RAD51B: variants seen among roughly 807,000 people sequenced by gnomAD.
The protein encoded by RAD51B is DNA repair protein RAD51 homolog 2.
In RAD51B, 38 loss-of-function variants were observed where a neutral mutation model predicts 42.2. The observed-to-expected ratio is 0.90, with a 90% CI of 0.70 to 1.18. RAD51B has a LOEUF of 1.18. Among genes scored for constraint, RAD51B ranks in the 50% most tolerant of loss-of-function variants. RAD51B has a pLI of 0.00. For missense variants in RAD51B, 373 were observed against 400.7 expected (o/e 0.93, Z 0.59); for synonymous variants, 154 against 145.2 (o/e 1.06, Z -0.43).
intron 8 of RAD51B, among the ~76,000 whole-genome samples, chr14:68,309,678 A>G (rs1164595630): frequency 6.6e-6 from 1 of 152,244 alleles, no homozygotes; most frequent in East Asian, 1.9e-4. Flanking sequence ...AATGATAATA[A>G]TGCCAATCAC....
At chr14:68,032,071 A>G (rs2076055080) in intron 7 of RAD51B, among the ~76,000 whole-genome samples, 1 of 152,078 alleles carries the variant, frequency 6.6e-6, no homozygotes, top group Non-Finnish European at 1.5e-5. Flanking sequence ...GTCTGTTACT[A>G]TGAAATCTTG....
chr14:68,411,274 C>T (rs1009363291), intron 8 of RAD51B, 150 bp from the exon 9 acceptor site: 30 of 677,814 alleles, frequency 4.4e-5, no homozygotes, highest in Non-Finnish European at 6.8e-5. Context: ...TAACCCCTCT[C>T]CTACTTCACT....
rs977907433 is a variant in RAD51B, at chr14:68,143,510, G to A, written c.757-148374G>A. On this transcript the variant is annotated intron_variant, in intron 7 of 10. Coordinates refer to ENST00000471583, the MANE Select transcript of RAD51B (RefSeq NM_133510.4). ...AGCTGAAAGCTTCATTTCCTGGCCCGGCTGCCATGAGAAATGCTGTGCTTG... is the reference window on the plus strand; with the variant it reads ...AGCTGAAAGCTTCATTTCCTGGCCCAGCTGCCATGAGAAATGCTGTGCTTG... 6.6e-5 allele frequency among the ~76,000 whole-genome samples: 10 copies of A among 152,224 alleles called. No homozygotes were observed. In the East Asian group the frequency reaches 9.6e-4, roughly 15 times the overall value.
chr14:68,348,910 G>A (rs975161778), intron 8 of RAD51B, among the ~76,000 whole-genome samples: 11 of 152,140 alleles, frequency 7.2e-5, no homozygotes, highest in African/African-American at 2.4e-4. Flanking sequence ...TTAGATCTGG[G>A]ATAAACAAAC....
At chr14:68,411,549 TCTGA>T (rs773532648) in intron 9 of RAD51B, 22 bp downstream of exon 9, 1 of 1,600,636 alleles carries the variant, frequency 6.2e-7, no homozygotes, top group East Asian at 2.2e-5. Context: ...GACAGTATTC[TCTGA>T]CTATGAAGGT....
intron 7 of RAD51B, among the ~76,000 whole-genome samples, chr14:67,916,148 A>G (rs1349160866): frequency 2.0e-5 from 3 of 152,268 alleles, no homozygotes; most frequent in Admixed American, 6.5e-5. Context: ...GAAGGCTCAA[A>G]GAAATTTCCA....
At chr14:68,476,029 C>T (rs1594891321) in intron 10 of RAD51B, among the ~76,000 whole-genome samples, 1 of 131,706 alleles carries the variant, frequency 7.6e-6, no homozygotes, top group African/African-American at 2.9e-5. Flanking sequence ...GCTCAGGGGT[C>T]AAGAGATATA....
chr14:68,028,098 A>G (rs770260907), intron 7 of RAD51B, among the ~76,000 whole-genome samples: 1 of 152,194 alleles, frequency 6.6e-6, no homozygotes, highest in Non-Finnish European at 1.5e-5. Flanking sequence ...TATTACCAAA[A>G]TATTTTTGGT....
exon 11 of RAD51B, chr14:68,594,733 A>T (rs1211033934): frequency 1.6e-6 from 2 of 1,263,164 alleles, no homozygotes; most frequent in Non-Finnish European, 2.0e-6. Flanking sequence ...TTCCAATGAG[A>T]ATTTTGTCCT....
At chr14:68,618,730 C>T (rs1465527151) in intron 10 of RAD51B, among the ~76,000 whole-genome samples, 11 of 152,186 alleles carry the variant, frequency 7.2e-5, no homozygotes. Flanking sequence ...CTCAGTTTGC[C>T]CTTAGCCTAG....
Position 67,938,786 on chromosome 14 carries a change from A to C in RAD51B, c.756+51582A>C, listed in dbSNP as rs545239852. Reference sequence around the variant, plus strand: ...TGCTTGCCCAGACGGACTCCTTAGCACTGTATGACTCTTGAGAAAATGGTC... The same window carrying C: ...TGCTTGCCCAGACGGACTCCTTAGCCCTGTATGACTCTTGAGAAAATGGTC... On this transcript the variant is annotated intron_variant, in intron 7 of 10. Transcript: ENST00000471583. Among the ~76,000 whole-genome samples the C allele has an allele frequency of 2.0e-5, 3 of 152,322 alleles. No individual in the cohort carries two copies. The South Asian group carries it at 6.2e-4, about 32-fold the overall frequency.
chr14:68,205,888 T>G lies in RAD51B; in HGVS notation c.757-85996T>G, dbSNP rs1223102684. 2.6e-5 allele frequency among the ~76,000 whole-genome samples: 4 copies of G among 152,186 alleles called. No individual in the cohort carries two copies. In the East Asian group the frequency reaches 7.7e-4, roughly 29 times the overall value. On this transcript the variant is annotated intron_variant, in intron 7 of 10. Coordinates refer to ENST00000471583, the MANE Select transcript of RAD51B (RefSeq NM_133510.4). Reference sequence around the variant, plus strand: ...TTCTGTTATATAACCTTAGTAGAGTTATCAACTTTGGTAAATTTGATTAAA... The same window carrying G: ...TTCTGTTATATAACCTTAGTAGAGTGATCAACTTTGGTAAATTTGATTAAA...
At chr14:68,208,661 A>G (rs1314838838) in intron 7 of RAD51B, among the ~76,000 whole-genome samples, 1 of 152,206 alleles carries the variant, frequency 6.6e-6, no homozygotes, top group Non-Finnish European at 1.5e-5. Flanking sequence ...CCACAGGAAA[A>G]CACCAAGGCT....
intron 7 of RAD51B, among the ~76,000 whole-genome samples, chr14:68,065,175 G>A (rs143026172): frequency 6.6e-6 from 1 of 152,252 alleles, no homozygotes; most frequent in East Asian, 1.9e-4. Flanking sequence ...ATGTTGCTTT[G>A]TTTTGAAGGG....
At chr14:68,460,839 T>C (rs2085827326) in intron 9 of RAD51B, among the ~76,000 whole-genome samples, 1 of 152,194 alleles carries the variant, frequency 6.6e-6, no homozygotes, top group Non-Finnish European at 1.5e-5. Context: ...AGCCTGCTGT[T>C]TTCTATGGCA....
intron 7 of RAD51B, among the ~76,000 whole-genome samples, chr14:67,941,171 T>C (rs1215430076): frequency 6.6e-6 from 1 of 152,210 alleles, no homozygotes; most frequent in Non-Finnish European, 1.5e-5. Context: ...TTGGGAATTC[T>C]GTGTGAGGCA....
intron 7 of RAD51B, among the ~76,000 whole-genome samples, chr14:67,985,225 C>CAT (rs1413948080): frequency 5.3e-5 from 8 of 152,308 alleles, no homozygotes; most frequent in Admixed American, 2.6e-4. Context: ...TCTTCTAATA[C>CAT]ATATATATAC....
chr14:68,138,303 A>G (rs1210902559), intron 7 of RAD51B, among the ~76,000 whole-genome samples: 3 of 152,224 alleles, frequency 2.0e-5, no homozygotes, highest in African/African-American at 7.2e-5. Context: ...GGTTGGTAGC[A>G]TAACAAAATC....
At chr14:68,192,837 T>C (rs1370971090) in intron 7 of RAD51B, among the ~76,000 whole-genome samples, 1 of 152,196 alleles carries the variant, frequency 6.6e-6, no homozygotes, top group African/African-American at 2.4e-5. Context: ...GGAGTTTGAA[T>C]AGGGTCATTT....
Sources: allele counts gnomAD v4.1 joint callset (sites outside exome capture counted in the v4.1 genomes callset), GRCh38; gene constraint gnomAD v4.1.1; transcripts MANE v1.5; gene names NCBI Gene and HGNC (gene_info 2026-07-23, HGNC 2026-07-21).